The following OTOR variants were observed in gnomAD, a reference collection of about 807,000 sequenced individuals.
The protein encoded by OTOR is otoraplin, also known as fibrocyte-derived protein.
A neutral mutation model predicts 15.9 loss-of-function variants in OTOR; 20 were observed. The observed-to-expected ratio is 1.26, with a 90% CI of 0.89 to 1.83. The LOEUF (loss-of-function observed/expected upper bound fraction) is 1.83, where lower values mean the gene tolerates loss of function less well. Ranked by LOEUF, OTOR falls within the 40% of genes most tolerant of loss-of-function variation. The probability of loss-of-function intolerance (pLI) is 0.00; values close to 1 mark genes in which losing one functional copy is unlikely to be tolerated. For synonymous variants in OTOR, 53 were observed against 54.2 expected, an observed-to-expected ratio of 0.98 and a Z score of 0.09; for missense variants, 184 against 159.0, an observed-to-expected ratio of 1.16 and a Z score of -0.85.
Position 16,749,005 on chromosome 20 carries a change from G to C in OTOR, c.254G>C (p.Ser85Thr). Residue 85 changes from serine (S) to threonine (T), a missense_variant and splice_region_variant, in exon 2 of 4, where the codon AGT becomes ACT. Coordinates refer to ENST00000246081, the MANE Select transcript of OTOR (RefSeq NM_020157.4). ...GGAGCTGGAGAATTTTGGGCTGGCA[G>C]TGTAAGATAATTTAAACACCTATTG... Reference protein sequence around the residue: ...ENGAGEFWAGSVYGDGQDEMG... With the variant: ...ENGAGEFWAGTVYGDGQDEMG... The C allele has an allele frequency of 6.9e-7, 1 of 1,443,068 alleles. No homozygotes were observed. The highest frequency in any genetic ancestry group is 9.2e-7 in the Non-Finnish European group (1 of 1,091,634). 89.4% of individuals were successfully genotyped at this position (1,443,068 alleles called of 1,614,324 possible).
intron 2 of OTOR, 26 bp from the exon 3 acceptor site, chr20:16,749,877 T>C (rs6135878): frequency 0.54 from 799,096 of 1,490,426 alleles, 220,767 homozygotes; most frequent in East Asian, 0.72. Context: ...AGCTTTTTCC[T>C]GATTGCTATT....
intron 2 of OTOR, 164 bp from the exon 3 acceptor site, chr20:16,749,739 C>T (rs923300118): frequency 1.7e-6 from 1 of 595,710 alleles, no homozygotes; most frequent in Non-Finnish European, 3.0e-6. Flanking sequence ...TAACTTAGTG[C>T]TCCAAGTAAA....
At chr20:16,749,881 T>G (rs542247355) in intron 2 of OTOR, 22 bp from the exon 3 acceptor site, 7 of 1,520,248 alleles carry the variant, frequency 4.6e-6, no homozygotes, top group Non-Finnish European at 6.4e-6. Context: ...TTTTCCTGAT[T>G]GCTATTCTTC....
In OTOR at chr20:16,751,169, G is replaced by A. The variant is rs1361417265; in HGVS notation, c.*51G>A. ...AAGAAAACACCAAAAATAAAGAAAA[G>A]AGCAAAAGTGGCCAAAAAATGCATG... On this transcript the variant is annotated 3_prime_UTR_variant, in exon 4 of 4. Coordinates refer to ENST00000246081, the MANE Select transcript of OTOR (RefSeq NM_020157.4). 1.5e-6 allele frequency: 2 copies of A among 1,361,922 alleles called. No individual in the cohort carries two copies. Among genetic ancestry groups the A allele is most frequent in the Non-Finnish European group, 2.0e-6 (2 of 994,844 alleles). The allele number at this position is 1,361,922 out of a possible 1,614,324, so 84.4% of individuals were successfully genotyped here.
rs1261902073 is a variant in OTOR at position 16,751,802 on chromosome 20, A to G, written c.*684A>G. 2 of 152,166 alleles carry G rather than the reference A, an allele frequency of 1.3e-5. No homozygotes were observed. The highest frequency in any genetic ancestry group is 1.3e-4 in the Admixed American group (2 of 15,270). The allele number at this position is 152,166 out of a possible 1,614,324, so 9.4% of individuals were successfully genotyped here. A position where few individuals can be genotyped will look rare whatever the true frequency, so the allele number is the denominator to read the frequency against. On this transcript the variant is annotated 3_prime_UTR_variant, in exon 4 of 4. Transcript: ENST00000246081. ...TTTTAAAGAAGTATGTGTATATTTA[A>G]TAGGGGAAGGTAGTTTATGGAAATA...
Position 16,748,591 on chromosome 20 carries a change from G to A in OTOR, c.115+75G>A, listed in dbSNP as rs553605893. On this transcript the variant is annotated intron_variant, in intron 1 of 3. Coordinates refer to ENST00000246081, the MANE Select transcript of OTOR (RefSeq NM_020157.4). The stretch of plus-strand genomic sequence containing the variant: ...ATATATCCACTAATAGCATAAAATC[G>A]AATTATACTTTGAAGTGAATCTTCT... 6.9e-5 allele frequency: 64 copies of A among 924,640 alleles called. No individual in the cohort carries two copies. In the South Asian group the frequency reaches 7.2e-4, roughly 10 times the overall value. The allele number at this position is 924,640 out of a possible 1,614,324, so 57.3% of individuals were successfully genotyped here.
rs139391263 is a variant in OTOR, at chr20:16,751,113, G to A, written c.382G>A (p.Glu128Lys). 1.3e-4 allele frequency: 205 copies of A among 1,539,554 alleles called. No homozygotes were observed. The highest frequency in any genetic ancestry group is 1.7e-4 in the Middle Eastern group (1 of 5,882). ...TTTCCAGGATATTGACTTCTTCTGC[G>A]AGTAATAAATTAGTTAAAACTGCAA... ...VPTTDIDFFC[E>K] The change falls in exon 4 of 4, where the codon GAG becomes AAG. Residue 128 changes from glutamate (E) to lysine (K), a missense_variant. Physicochemically the swap from Glu to Lys is moderately conservative, Grantham distance 56. Coordinates refer to ENST00000246081, the MANE Select transcript of OTOR (RefSeq NM_020157.4).
chr20:16,749,681 C>T (rs984980195), intron 2 of OTOR: 17 of 490,728 alleles, frequency 3.5e-5, no homozygotes, highest in Non-Finnish European at 4.0e-5. Context: ...GCTAAAGTAG[C>T]GAAATAAGAC....
chr20:16,750,403 TTGTGTGTG>T (rs3075058), intron 3 of OTOR, among the ~76,000 whole-genome samples: 2 of 148,320 alleles, frequency 1.3e-5, no homozygotes, highest in East Asian at 2.0e-4. Flanking sequence ...ATAGTTACCT[TTGTGTGTG>T]TGTGTGTGTG....
intron 2 of OTOR, chr20:16,749,265 A>G: frequency 6.8e-6 from 2 of 295,616 alleles, no homozygotes; most frequent in South Asian, 2.6e-4. Context: ...ATCCCAAAGA[A>G]TTTGAATCTT....
chr20:16,751,265 T>C lies in OTOR; in HGVS notation c.*147T>C. The C allele has an allele frequency of 3.4e-6, 2 of 589,468 alleles. No homozygotes were observed. Among genetic ancestry groups the C allele is most frequent in the Non-Finnish European group, 5.8e-6 (2 of 344,100 alleles). 36.5% of individuals were successfully genotyped at this position (589,468 alleles called of 1,614,324 possible). A position where few individuals can be genotyped will look rare whatever the true frequency, so the allele number is the denominator to read the frequency against. ...AGAGCAAGGGCTTAGGGGTTGGAGGTGGCAGATAAAAGAGGATTTTCAACT... is the reference window on the plus strand; with the variant it reads ...AGAGCAAGGGCTTAGGGGTTGGAGGCGGCAGATAAAAGAGGATTTTCAACT... On this transcript the variant is annotated 3_prime_UTR_variant, in exon 4 of 4. Transcript: ENST00000246081.
At chr20:16,750,428 T>TGTGA (rs563249389) in intron 3 of OTOR, among the ~76,000 whole-genome samples, 156 of 151,944 alleles carry the variant, frequency 1.0e-3, no homozygotes, top group African/African-American at 2.9e-3. Flanking sequence ...TGTGTGTGTG[T>TGTGA]GAAAACATTA....
intron 3 of OTOR, 29 bp downstream of exon 3, chr20:16,750,039 G>A: frequency 6.9e-7 from 1 of 1,443,492 alleles, no homozygotes; most frequent in Non-Finnish European, 9.7e-7. Context: ...ACTAGACAAG[G>A]ACTCAGATCT....
chr20:16,749,987 G>C lies in OTOR; in HGVS notation c.340G>C (p.Ala114Pro), dbSNP rs75400405. The C allele has an allele frequency of 5.6e-6, 9 of 1,612,852 alleles. No homozygotes were observed. Among genetic ancestry groups the C allele is most frequent in the Non-Finnish European group, 7.6e-6 (9 of 1,179,064 alleles). ...LVKEQRVYQE[A>P]TKEVPTTDID... ...CAAGGAACAGCGTGTGTACCAGGAA[G>C]CTACCAAGGAAGTTCCCACCACGGT... Residue 114 changes from alanine (A) to proline (P), a missense_variant, in exon 3 of 4, where the codon GCT (alanine) becomes CCT (proline). Transcript: ENST00000246081.
rs2072528468 is a variant in OTOR at position 16,751,384 on chromosome 20, T to A, written c.*266T>A. The A allele has an allele frequency of 7.1e-6, 3 of 425,526 alleles. No homozygotes were observed. The highest frequency in any genetic ancestry group is 1.2e-5 in the Non-Finnish European group (3 of 240,376). 26.4% of individuals were successfully genotyped at this position (425,526 alleles called of 1,614,324 possible). A position where few individuals can be genotyped will look rare whatever the true frequency, so the allele number is the denominator to read the frequency against. ...TAAATTGAGACCAGAAAATTATTTT[T>A]TCAACCTAGAGAATCTCCTCTTACA... On this transcript the variant is annotated 3_prime_UTR_variant, in exon 4 of 4. Transcript: ENST00000246081.
At position 16,749,893 on chromosome 20, in the gene OTOR, G is replaced by T. The variant is rs2072517175; in HGVS notation, c.256-10G>T. The T allele has an allele frequency of 3.8e-6, 6 of 1,582,026 alleles. No homozygotes were observed. The highest frequency in any genetic ancestry group is 1.7e-5 in the Admixed American group (1 of 59,866). On this transcript the variant is annotated splice_polypyrimidine_tract_variant and intron_variant, in intron 2 of 3. Transcript: ENST00000246081. ...GCTTTTTCCTGATTGCTATTCTTCTGGGCACTTAGGTTTATGGTGATGGCC... is the reference window on the plus strand; with the variant it reads ...GCTTTTTCCTGATTGCTATTCTTCTTGGCACTTAGGTTTATGGTGATGGCC...
intron 3 of OTOR, 29 bp from the exon 4 acceptor site, chr20:16,751,066 A>T: frequency 6.6e-7 from 1 of 1,514,772 alleles, no homozygotes; most frequent in African/African-American, 1.4e-5. Flanking sequence ...TATTTCGTTC[A>T]ATCTTTTTTT....
intron 3 of OTOR, among the ~76,000 whole-genome samples, chr20:16,750,624 T>C (rs1348101827): frequency 6.6e-6 from 1 of 152,248 alleles, no homozygotes; most frequent in African/African-American, 2.4e-5. Context: ...AATCGAAATA[T>C]TCTAGAACAA....
At position 16,751,324 on chromosome 20, in the gene OTOR, C is replaced by T. The variant is rs1256728342; in HGVS notation, c.*206C>T. On this transcript the variant is annotated 3_prime_UTR_variant, in exon 4 of 4. Transcript: ENST00000246081. ...GTTTCCTGCTGGCCTGGTCTGCCCA[C>T]GAGCTAGAGCGGGGAAATGTTGAGC... is the stretch of plus-strand genomic sequence containing the variant. 13 of 524,724 alleles carry T rather than the reference C, an allele frequency of 2.5e-5. No homozygotes were observed. The highest frequency in any genetic ancestry group is 1.3e-4 in the South Asian group (5 of 37,782). The allele number at this position is 524,724 out of a possible 1,614,324, so 32.5% of individuals were successfully genotyped here.
Sources: gnomAD v4.1 joint callset for allele counts (sites outside exome capture counted in the v4.1 genomes callset) on GRCh38, gnomAD v4.1.1 for gene constraint, MANE v1.5 for transcripts, NCBI Gene and HGNC (gene_info 2026-07-23, HGNC 2026-07-21) for gene names.